TENM2: variants seen among roughly 807,000 people sequenced by gnomAD.
The protein encoded by TENM2 is teneurin transmembrane protein 2.
Under a neutral mutation model 245.2 loss-of-function variants are expected in TENM2, and 52 were observed. The ratio of observed to expected loss-of-function variants is 0.21; its 90% CI spans 0.17 to 0.27. The LOEUF (loss-of-function observed/expected upper bound fraction) is 0.27, where lower values mean the gene tolerates loss of function less well. Ranked by LOEUF, TENM2 falls within the 10% of genes least tolerant of loss-of-function variation. The pLI is 1.00. For missense variants in TENM2, 3,046 were observed against 3,666.8 expected (o/e 0.83, Z 4.37); for synonymous variants, 1,363 against 1,438.9 (o/e 0.95, Z 1.19).
the TENM2 span, among the ~76,000 whole-genome samples, chr5:166,990,895 G>A: frequency 2.0e-5 from 3 of 152,144 alleles, no homozygotes; most frequent in East Asian, 5.8e-4. Flanking sequence ...TGTTTAGTTG[G>A]CATGAGGTGT....
chr5:168,121,883 C>A (rs959484837), intron 10 of TENM2, among the ~76,000 whole-genome samples: 10 of 152,162 alleles, frequency 6.6e-5, no homozygotes, highest in Non-Finnish European at 1.3e-4. Context: ...ATTAGAATTT[C>A]AGAATTTCCT....
chr5:167,049,352 T>C, the TENM2 span, among the ~76,000 whole-genome samples: 2 of 152,216 alleles, frequency 1.3e-5, no homozygotes, highest in African/African-American at 4.8e-5. Flanking sequence ...GGGTTTTTCA[T>C]GACTGCCTTT....
At chr5:167,391,244 T>C (rs1331701865) in intron 2 of TENM2, among the ~76,000 whole-genome samples, 2 of 152,056 alleles carry the variant, frequency 1.3e-5, no homozygotes. Flanking sequence ...TTCACCAAAG[T>C]AGAGAAGTAA....
chr5:167,198,593 G>A, the TENM2 span, among the ~76,000 whole-genome samples: 4 of 152,026 alleles, frequency 2.6e-5, no homozygotes, highest in African/African-American at 9.7e-5. Flanking sequence ...TTAAAGTTTG[G>A]TGAAAGAGTG....
intron 3 of TENM2, chr5:167,952,236 G>A: frequency 2.8e-6 from 1 of 357,188 alleles, no homozygotes; most frequent in South Asian, 3.8e-5. Context: ...TACCTGGAAA[G>A]GGAATAGGGA....
chr5:168,115,265 C>T (rs1417325981), intron 9 of TENM2, among the ~76,000 whole-genome samples: 3 of 149,898 alleles, frequency 2.0e-5, no homozygotes, highest in Non-Finnish European at 4.4e-5. Context: ...TGCACTCCAG[C>T]CTGAGTGACA....
At chr5:167,692,050 T>C (rs1757467517) in intron 2 of TENM2, among the ~76,000 whole-genome samples, 1 of 152,098 alleles carries the variant, frequency 6.6e-6, no homozygotes, top group South Asian at 2.1e-4. Context: ...AATAATTGCT[T>C]GATAGCCTTC....
chr5:167,429,537 T>C (rs1582020568), intron 2 of TENM2, among the ~76,000 whole-genome samples: 1 of 149,610 alleles, frequency 6.7e-6, no homozygotes, highest in East Asian at 2.0e-4. Context: ...GAAAATAAAA[T>C]ATAACTTGTG....
chr5:168,007,484 G>T (rs1267734741), intron 5 of TENM2, among the ~76,000 whole-genome samples: 1 of 152,084 alleles, frequency 6.6e-6, no homozygotes, highest in Non-Finnish European at 1.5e-5. Context: ...ATGTGACCTC[G>T]GTGCTACGCC....
At chr5:167,350,736 T>G (rs1758818351) in intron 1 of TENM2, among the ~76,000 whole-genome samples, 1 of 58,780 alleles carries the variant, frequency 1.7e-5, no homozygotes, top group Non-Finnish European at 4.1e-5. Context: ...TACATATGGA[T>G]ATATATATAT....
At chr5:167,201,086 C>T in the TENM2 span, among the ~76,000 whole-genome samples, 16 of 152,142 alleles carry the variant, frequency 1.1e-4, no homozygotes, top group Admixed American at 2.0e-4. Flanking sequence ...CAAAGTCTTT[C>T]GAATATTTTT....
intron 3 of TENM2, among the ~76,000 whole-genome samples, chr5:167,913,065 GA>G (rs891292862): frequency 2.6e-5 from 4 of 151,930 alleles, no homozygotes; most frequent in Non-Finnish European, 5.9e-5. Flanking sequence ...GCATTCCAGA[GA>G]AAAAAAACTA....
intron 2 of TENM2, among the ~76,000 whole-genome samples, chr5:167,672,500 G>T (rs543694793): frequency 6.6e-6 from 1 of 152,094 alleles, no homozygotes; most frequent in Admixed American, 6.6e-5. Flanking sequence ...TACTAGAGGG[G>T]TGAATGGATC....
the TENM2 span, among the ~76,000 whole-genome samples, chr5:167,060,903 G>A: frequency 6.6e-6 from 1 of 152,048 alleles, no homozygotes; most frequent in African/African-American, 2.4e-5. Flanking sequence ...TGGACTCTCT[G>A]TAGTAGAATC....
chr5:167,867,720 G>T (rs1772448308), intron 2 of TENM2, among the ~76,000 whole-genome samples: 1 of 152,198 alleles, frequency 6.6e-6, no homozygotes, highest in South Asian at 2.1e-4. Context: ...AGGTCATAAT[G>T]AAAATTCCTC....
At chr5:167,679,841 G>T (rs1756581677) in intron 2 of TENM2, among the ~76,000 whole-genome samples, 1 of 152,148 alleles carries the variant, frequency 6.6e-6, no homozygotes, top group Non-Finnish European at 1.5e-5. Context: ...CCTGGAATAG[G>T]CTGGGAGCTT....
chr5:167,623,583 C>T (rs970425571), intron 2 of TENM2, among the ~76,000 whole-genome samples: 1 of 152,056 alleles, frequency 6.6e-6, no homozygotes, highest in African/African-American at 2.4e-5. Flanking sequence ...GATGAGCAAG[C>T]TCCCCACTAT....
At chr5:167,398,054 A>G (rs139661396) in intron 2 of TENM2, among the ~76,000 whole-genome samples, 44 of 152,274 alleles carry the variant, frequency 2.9e-4, no homozygotes, top group African/African-American at 1.0e-3. Flanking sequence ...GAAAAAGTCT[A>G]GAGATGTAAT....
At chr5:167,151,093 C>T in the TENM2 span, among the ~76,000 whole-genome samples, 1 of 152,220 alleles carries the variant, frequency 6.6e-6, no homozygotes, top group Non-Finnish European at 1.5e-5. Flanking sequence ...TTTTATTAAA[C>T]CTCTCCTCCA....
Sources: gnomAD v4.1 joint callset for allele counts (sites outside exome capture counted in the v4.1 genomes callset) on GRCh38, gnomAD v4.1.1 for gene constraint, MANE v1.5 for transcripts, NCBI Gene and HGNC (gene_info 2026-07-23, HGNC 2026-07-21) for gene names.